The following CLIC5 variants were observed in gnomAD, a reference collection of about 807,000 sequenced individuals.
The protein encoded by CLIC5 is chloride intracellular channel protein 5.
Under a neutral mutation model 24.7 loss-of-function variants are expected in CLIC5, and 20 were observed. That is an observed-to-expected ratio of 0.81 (90% CI 0.57 to 1.18). The LOEUF (loss-of-function observed/expected upper bound fraction) is 1.18, where lower values mean the gene tolerates loss of function less well. Ranked by LOEUF, CLIC5 falls within the 50% of genes most tolerant of loss-of-function variation. The pLI is 0.00. For synonymous variants in CLIC5, 159 were observed against 135.6 expected (o/e 1.17, Z -1.20); for missense variants, 341 against 326.1 (o/e 1.05, Z -0.35).
chr6:45,889,805 A>G (rs897650430), intron 6 of CLIC5, among the ~76,000 whole-genome samples: 2 of 152,180 alleles, frequency 1.3e-5, no homozygotes, highest in Non-Finnish European at 2.9e-5. Context: ...GCCTAAAAAT[A>G]TTTTCTTACA....
intron 1 of CLIC5, among the ~76,000 whole-genome samples, chr6:45,973,727 A>G (rs921231171): frequency 7.9e-5 from 12 of 152,180 alleles, no homozygotes; most frequent in Non-Finnish European, 1.8e-4. Flanking sequence ...TCATGAGATC[A>G]AGAGATTGAG....
chr6:45,959,752 T>C (rs1448072415), intron 1 of CLIC5, among the ~76,000 whole-genome samples: 1 of 152,218 alleles, frequency 6.6e-6, no homozygotes. Flanking sequence ...AACTCAATCA[T>C]ACAAGTGCTT....
At chr6:46,115,117 G>A in the CLIC5 span, among the ~76,000 whole-genome samples, 1 of 152,186 alleles carries the variant, frequency 6.6e-6, no homozygotes, top group East Asian at 1.9e-4. Context: ...ACCTCTGGTT[G>A]AGAGCTTAGG....
At chr6:46,050,034 C>T (rs1768060600) in intron 1 of CLIC5, among the ~76,000 whole-genome samples, 2 of 152,140 alleles carry the variant, frequency 1.3e-5, no homozygotes, top group Admixed American at 6.5e-5. Flanking sequence ...CAGAAATAAG[C>T]TCTGGCCTTA....
At chr6:45,911,841 G>A in intron 5 of CLIC5, 2 of 985,512 alleles carry the variant, frequency 2.0e-6, no homozygotes, top group Non-Finnish European at 2.4e-6. Flanking sequence ...GTGCACCCTG[G>A]GCCTTGGCTG....
chr6:45,978,488 A>G (rs561875392), intron 1 of CLIC5, among the ~76,000 whole-genome samples: 1 of 152,336 alleles, frequency 6.6e-6, no homozygotes, highest in East Asian at 1.9e-4. Flanking sequence ...GAACTTCTAG[A>G]ACAGTGGTTC....
chr6:46,125,579 A>T, the CLIC5 span, among the ~76,000 whole-genome samples: 2 of 151,554 alleles, frequency 1.3e-5, no homozygotes, highest in Non-Finnish European at 2.9e-5. Context: ...GTATAATTAA[A>T]ATATATATAT....
At chr6:45,962,092 A>T (rs997947914) in intron 1 of CLIC5, among the ~76,000 whole-genome samples, 1 of 150,130 alleles carries the variant, frequency 6.7e-6, no homozygotes, top group Admixed American at 6.6e-5. Flanking sequence ...ACACACACAC[A>T]CATCCTGTTA....
At chr6:45,920,853 A>G (rs1042145744) in intron 4 of CLIC5, among the ~76,000 whole-genome samples, 9 of 152,100 alleles carry the variant, frequency 5.9e-5, no homozygotes, top group African/African-American at 2.2e-4. Context: ...TGCTATAACG[A>G]GCTCAATTTT....
At chr6:46,085,611 T>C in the CLIC5 span, among the ~76,000 whole-genome samples, 1 of 152,232 alleles carries the variant, frequency 6.6e-6, no homozygotes, top group Non-Finnish European at 1.5e-5. Context: ...CCACAAATGC[T>C]GCTGTCTGAT....
In CLIC5 at chr6:45,949,199, A is replaced by G. The variant is rs9654592; in HGVS notation, c.299+57T>C. Reference sequence around the variant, plus strand: ...TGCCCGAAGTTAACACCAGGACTTTATAGATCCAGCATGAACCCTTCCCAT... The same window carrying G: ...TGCCCGAAGTTAACACCAGGACTTTGTAGATCCAGCATGAACCCTTCCCAT... On this transcript the variant is annotated intron_variant, in intron 3 of 5. Transcript: ENST00000339561. The G allele has an allele frequency of 5.2e-4, 820 of 1,569,144 alleles. 4 individuals carry two copies. The African/African-American group carries it at 0.01, about 19-fold the overall frequency.
downstream of CLIC5, chr6:45,880,899 T>C: frequency 2.7e-6 from 1 of 373,882 alleles, no homozygotes; most frequent in East Asian, 3.8e-5. Flanking sequence ...ATCAGAATAA[T>C]AGCAGTGTTG....
At chr6:46,007,684 G>A (rs1042354951) in intron 1 of CLIC5, among the ~76,000 whole-genome samples, 2 of 152,018 alleles carry the variant, frequency 1.3e-5, no homozygotes, top group South Asian at 4.2e-4. Context: ...CCCACATAGC[G>A]TATATCCCAA....
chr6:45,887,126 A>T (rs1762311604), intron 6 of CLIC5, among the ~76,000 whole-genome samples: 1 of 152,248 alleles, frequency 6.6e-6, no homozygotes, highest in South Asian at 2.1e-4. Flanking sequence ...GAAGGGGCAC[A>T]TGCTAGACAT....
intron 1 of CLIC5, among the ~76,000 whole-genome samples, chr6:45,968,374 T>C (rs951020941): frequency 6.6e-6 from 1 of 152,104 alleles, no homozygotes; most frequent in African/African-American, 2.4e-5. Flanking sequence ...GAAGCTTCAA[T>C]AGTGGGGTTG....
At chr6:45,890,714 A>G (rs1285698038) in intron 6 of CLIC5, among the ~76,000 whole-genome samples, 2 of 152,244 alleles carry the variant, frequency 1.3e-5, no homozygotes, top group African/African-American at 4.8e-5. Flanking sequence ...TATAATCACA[A>G]TGGAATGCCA....
chr6:45,940,836 G>A (rs1051307381), intron 4 of CLIC5, among the ~76,000 whole-genome samples: 4 of 152,174 alleles, frequency 2.6e-5, no homozygotes, highest in African/African-American at 4.8e-5. Context: ...TTAATTGGAC[G>A]GTTCCATTCA....
intron 1 of CLIC5, among the ~76,000 whole-genome samples, chr6:45,997,112 C>A (rs1222192521): frequency 2.0e-5 from 3 of 151,030 alleles, no homozygotes; most frequent in Admixed American, 2.0e-4. Context: ...GCCAAATGTC[C>A]AACAATGATA....
intron 1 of CLIC5, among the ~76,000 whole-genome samples, chr6:46,070,628 A>G (rs1361023119): frequency 6.6e-6 from 1 of 152,178 alleles, no homozygotes; most frequent in African/African-American, 2.4e-5. Flanking sequence ...AATCAATATC[A>G]TTAAAATGGC....
Sources: allele counts gnomAD v4.1 joint callset (sites outside exome capture counted in the v4.1 genomes callset), GRCh38; gene constraint gnomAD v4.1.1; transcripts MANE v1.5; gene names NCBI Gene and HGNC (gene_info 2026-07-23, HGNC 2026-07-21).